UVSSA: variants seen among roughly 807,000 people sequenced by gnomAD.
The protein encoded by UVSSA is UV-stimulated scaffold protein A.
In UVSSA, 72 loss-of-function variants were observed where a neutral mutation model predicts 73.9. The ratio of observed to expected loss-of-function variants is 0.97; its 90% confidence interval spans 0.81 to 1.19. The LOEUF (loss-of-function observed/expected upper bound fraction) is 1.19. UVSSA is among the 50% of genes most tolerant of loss of function. UVSSA has a pLI of 0.00. For synonymous variants in UVSSA, 454 were observed against 391.3 expected (o/e 1.16, Z -1.89); for missense variants, 1,150 against 965.0 (o/e 1.19, Z -2.54).
At chr4:1,394,189 G>A (rs1392306127) in exon 14 of UVSSA, 2 of 487,908 alleles carry the variant, frequency 4.1e-6, no homozygotes, top group African/African-American at 3.9e-5. Context: ...TGCCTGTGTG[G>A]GCACAGCCTT....
Position 1,355,135 on chromosome 4 carries a change from A to G in UVSSA, c.1066A>G (p.Thr356Ala). ...TTCGCAGCGCTTCACCCGCGTCGGG[A>G]CCCACGGTGGATGTTTAAAGCGTGC... is the stretch of plus-strand genomic sequence containing the variant. Reference protein sequence around the residue: ...SWIQRFTRVGTHGGCLKRAID... With the variant: ...SWIQRFTRVGAHGGCLKRAID... The change falls in exon 7 of 14, where the codon ACC becomes GCC. Residue 356 changes from threonine (T) to alanine (A), a missense_variant. Physicochemically the swap from Thr to Ala is moderately conservative, Grantham distance 58 (BLOSUM62 0). Transcript: ENST00000389851. 1 of 1,613,720 alleles carries G rather than the reference A, an allele frequency of 6.2e-7. No homozygotes were observed. The highest frequency in any genetic ancestry group is 8.5e-7 in the Non-Finnish European group (1 of 1,179,898).
chr4:1,386,083 G>A lies in UVSSA; in HGVS notation c.*122G>A. On this transcript the variant is annotated 3_prime_UTR_variant, in exon 14 of 14. Transcript: ENST00000389851. ...TGTCTATTACTGTGTTTGATGTAAA[G>A]AAATGGTGTGTTGCAATGCCCTGAA... 2 of 1,048,822 alleles carry A rather than the reference G, an allele frequency of 1.9e-6. No homozygotes were observed. The highest frequency in any genetic ancestry group is 1.6e-5 in the African/African-American group (1 of 64,060). The allele number at this position is 1,048,822 out of a possible 1,614,324, so 65.0% of individuals were successfully genotyped here.
At chr4:1,384,085 A>G (rs9683830) in intron 13 of UVSSA, 145 bp downstream of exon 13, 743,364 of 1,065,450 alleles carry the variant, frequency 0.7, 262,025 homozygotes, top group African/African-American at 0.9. Flanking sequence ...GGGACCACCC[A>G]GCCTTTCCCC....
exon 14 of UVSSA, chr4:1,395,773 A>G (rs780992323): frequency 6.2e-7 from 1 of 1,614,248 alleles, no homozygotes; most frequent in South Asian, 1.1e-5. Flanking sequence ...GTTACCGTAC[A>G]TTCTACTCAT....
intron 10 of UVSSA, among the ~76,000 whole-genome samples, chr4:1,377,087 G>A (rs1361150215): frequency 3.3e-5 from 5 of 152,290 alleles, no homozygotes; most frequent in African/African-American, 1.2e-4. Flanking sequence ...GCGTGATGCG[G>A]GAGCGTCTCA....
intron 11 of UVSSA, 158 bp from the exon 12 acceptor site, chr4:1,380,722 C>G: frequency 6.5e-7 from 1 of 1,548,632 alleles, no homozygotes; most frequent in Non-Finnish European, 8.7e-7. Flanking sequence ...TCAGGACGCC[C>G]TCCTCTGAGG....
intron 1 of UVSSA, 56 bp from the exon 2 acceptor site, chr4:1,348,034 C>A: frequency 7.0e-7 from 1 of 1,427,684 alleles, no homozygotes; most frequent in Non-Finnish European, 9.8e-7. Flanking sequence ...GTTAATAACA[C>A]CGAGAGCTAT....
chr4:1,383,719 C>T lies in UVSSA; in HGVS notation c.1862-47C>T, dbSNP rs202182274. The T allele has an allele frequency of 1.5e-4, 242 of 1,608,940 alleles. No individual in the cohort carries two copies. The African/African-American group carries it at 2.8e-3, about 19-fold the overall frequency. ...TCCTGGGGGCCTCGGGTAAGAGGCT[C>T]TGGTCAGTGCCAGACGTCTCCTGAA... On this transcript the variant is annotated intron_variant, in intron 12 of 13. Transcript: ENST00000389851.
At chr4:1,346,281 C>G (rs1422967308), upstream of UVSSA, among the ~76,000 whole-genome samples, 2 of 152,242 alleles carry the variant, frequency 1.3e-5, no homozygotes, top group Admixed American at 6.5e-5. Context: ...AAAAGAAACC[C>G]CGGCCCGCCG....
chr4:1,349,954 G>A lies in UVSSA; in HGVS notation c.429+100G>A, dbSNP rs1361796774. 1.2e-5 allele frequency: 14 copies of A among 1,159,862 alleles called. No homozygotes were observed. In the East Asian group the frequency reaches 1.8e-4, roughly 15 times the overall value. The allele number at this position is 1,159,862 out of a possible 1,614,324, so 71.8% of individuals were successfully genotyped here. A position where few individuals can be genotyped will look rare whatever the true frequency, so the allele number is the denominator to read the frequency against. ...TGCGCCTCCTGTTGAACCTAGCACA[G>A]CAGGGGCCTGCTTGGCCTTGCCTGA... On this transcript the variant is annotated intron_variant, in intron 3 of 13. Transcript: ENST00000389851.
chr4:1,394,092 C>A, exon 14 of UVSSA: 1 of 303,188 alleles, frequency 3.3e-6, no homozygotes, highest in Non-Finnish European at 6.2e-6. Flanking sequence ...CCTTTGCCTT[C>A]ACTTCTTACT....
chr4:1,377,085 C>T (rs901431035), intron 10 of UVSSA, among the ~76,000 whole-genome samples: 2 of 152,130 alleles, frequency 1.3e-5, no homozygotes, highest in African/African-American at 2.4e-5. Context: ...GGGCGTGATG[C>T]GGGAGCGTCT....
intron 8 of UVSSA, among the ~76,000 whole-genome samples, chr4:1,367,358 G>A (rs546931968): frequency 2.6e-5 from 4 of 152,314 alleles, no homozygotes; most frequent in African/African-American, 9.6e-5. Context: ...AAGACCCTCA[G>A]CTTTTGTGTG....
chr4:1,377,135 G>A (rs796416062), intron 10 of UVSSA, among the ~76,000 whole-genome samples: 38 of 151,202 alleles, frequency 2.5e-4, no homozygotes, highest in Admixed American at 3.9e-4. Context: ...TCCAGAGAGC[G>A]GGGGGGCAGG....
chr4:1,350,017 A>G (rs1714447935), intron 3 of UVSSA, among the ~76,000 whole-genome samples, 163 bp downstream of exon 3: 2 of 152,202 alleles, frequency 1.3e-5, no homozygotes, highest in African/African-American at 2.4e-5. Flanking sequence ...GGTGTGGGAA[A>G]GAGGGCAGCA....
intron 7 of UVSSA, among the ~76,000 whole-genome samples, chr4:1,357,456 G>A (rs1183608793): frequency 6.6e-6 from 1 of 152,252 alleles, no homozygotes; most frequent in Non-Finnish European, 1.5e-5. Context: ...CATCTGGGAT[G>A]CCCTCCAAGT....
rs1225159781 is a variant in UVSSA, at chr4:1,380,890, A to G, written c.1763A>G (p.His588Arg). ...GTCCTCGCTGTGCAGTGCCCTTTCCATGGGAAGATTGTTCCACGGGACGAC... is the reference window on the plus strand; with the variant it reads ...GTCCTCGCTGTGCAGTGCCCTTTCCGTGGGAAGATTGTTCCACGGGACGAC... ...ERQDRLKCPF[H>R]GKIVPRDDEG... The change falls in exon 12 of 14, where the codon CAT becomes CGT. Residue 588 changes from histidine to arginine, a missense_variant. Transcript: ENST00000389851. 5 of 1,612,838 alleles carry G rather than the reference A, an allele frequency of 3.1e-6. No individual in the cohort carries two copies. The highest frequency in any genetic ancestry group is 3.3e-5 in the Admixed American group (2 of 60,014).
intron 3 of UVSSA, 61 bp from the exon 4 acceptor site, chr4:1,351,654 G>T: frequency 6.4e-7 from 1 of 1,571,472 alleles, no homozygotes; most frequent in Non-Finnish European, 8.7e-7. Context: ...CTCCCAAAGT[G>T]CTGGGATTAC....
intron 8 of UVSSA, 47 bp from the exon 9 acceptor site, chr4:1,375,317 G>A: frequency 6.2e-7 from 1 of 1,606,604 alleles, no homozygotes; most frequent in African/African-American, 1.3e-5. Context: ...GATGTGCCTG[G>A]CGGGTTGTGG....
Sources: gnomAD v4.1 joint callset for allele counts (sites outside exome capture counted in the v4.1 genomes callset) on GRCh38, gnomAD v4.1.1 for gene constraint, MANE v1.5 for transcripts, NCBI Gene and HGNC (gene_info 2026-07-23, HGNC 2026-07-21) for gene names.